PNISR: variants seen among roughly 807,000 people sequenced by gnomAD.
PNISR encodes PNN interacting serine and arginine rich protein, also known as arginine/serine-rich protein PNISR.
A neutral mutation model predicts 93.4 loss-of-function variants in PNISR; 20 were observed. The observed-to-expected ratio is 0.21, with a 90% CI of 0.15 to 0.31. The LOEUF is 0.31. PNISR is among the 10% of genes least tolerant of loss of function. The pLI is 1.00. For synonymous variants in PNISR, 305 were observed against 306.5 expected (o/e 0.99, Z 0.05); for missense variants, 893 against 985.4 (o/e 0.91, Z 1.25).
chr6:99,401,456 T>C lies in PNISR; in HGVS notation c.1502A>G (p.Glu501Gly), dbSNP rs1190604710. The C allele has an allele frequency of 3.7e-6, 6 of 1,610,072 alleles. No individual in the cohort carries two copies. Among genetic ancestry groups the C allele is most frequent in the Non-Finnish European group, 5.1e-6 (6 of 1,178,910 alleles). ...CCTACTCCTTCCTTGTTTTTCTTTT[T>C]CTTTATGCTCTTTTTTTGGTTCTAA... is the stretch of plus-strand genomic sequence containing the variant. ...SVLEPKKEHK[E>G]KEKQGRSRSG... The change falls in exon 12 of 12, where the codon GAA becomes GGA. Residue 501 changes from glutamate (E) to glycine (G), a missense_variant. Around this residue, in one of 3 missense-constraint regions of PNISR, gnomAD observed 866 missense variants for 935.1 expected, o/e 0.93. Transcript: ENST00000369239.
rs1346304500 is a variant in PNISR at position 99,408,157 on chromosome 6, A to G, written c.788T>C (p.Leu263Ser). The change falls in exon 7 of 12, where the codon TTG becomes TCG. Residue 263 changes from leucine (L) to serine (S), a missense_variant. This residue lies in a region of PNISR where 866 missense variants were observed against 935.1 expected (regional missense o/e 0.93). Transcript: ENST00000369239. Reference protein sequence around the residue: ...KERMEQQRSQLSKKEKKATED... With the variant: ...KERMEQQRSQSSKKEKKATED... Reference sequence around the variant, plus strand: ...TGTGGCCTTTTTTTCTTTTTTGGACAATTGTGAACGTTGTTGTTCCATTCT... The same window carrying G: ...TGTGGCCTTTTTTTCTTTTTTGGACGATTGTGAACGTTGTTGTTCCATTCT... The G allele has an allele frequency of 6.2e-7, 1 of 1,612,852 alleles. No homozygotes were observed. Among genetic ancestry groups the G allele is most frequent in the Non-Finnish European group, 8.5e-7 (1 of 1,179,628 alleles).
chr6:99,408,825 T>C (rs1270403543), intron 6 of PNISR, among the ~76,000 whole-genome samples: 1 of 151,774 alleles, frequency 6.6e-6, no homozygotes, highest in Non-Finnish European at 1.5e-5. Context: ...GAACTAAGAG[T>C]GGACAGAGAT....
Position 99,400,395 on chromosome 6 carries a change from T to C in PNISR, c.*145A>G, listed in dbSNP as rs1775304611. On this transcript the variant is annotated 3_prime_UTR_variant, in exon 12 of 12. Coordinates refer to ENST00000369239, the MANE Select transcript of PNISR (RefSeq NM_032870.4). ...CTGCAATTTTAAATAAATAATATTA[T>C]ATAGGATTTCTAACATTTAAGACTA... The C allele has an allele frequency of 4.2e-6, 5 of 1,198,086 alleles. No individual in the cohort carries two copies. The Admixed American group carries it at 1.4e-4, about 34-fold the overall frequency. 74.2% of individuals were successfully genotyped at this position (1,198,086 alleles called of 1,614,324 possible).
Position 99,406,093 on chromosome 6 carries a change from G to C in PNISR, c.940C>G (p.Pro314Ala). ...SSGKVTRSPS[P>A]VPQEEHSDPE... The stretch of plus-strand genomic sequence containing the variant: ...TCACTGTGCTCTTCTTGAGGAACTG[G>C]GGATGGACTTCTGGTGACTTTCCCA... The change falls in exon 8 of 12, where the codon CCA becomes GCA. Residue 314 changes from proline to alanine, a missense_variant. Pro to Ala is a conservative substitution (Grantham distance 27, BLOSUM62 -1). Coordinates refer to ENST00000369239, the MANE Select transcript of PNISR (RefSeq NM_032870.4). 6.2e-7 allele frequency: 1 copy of C among 1,610,170 alleles called. No homozygotes were observed. Among genetic ancestry groups the C allele is most frequent in the South Asian group, 1.1e-5 (1 of 90,984 alleles).
At chr6:99,405,424 G>GC (rs1334102800) in intron 8 of PNISR, among the ~76,000 whole-genome samples, 3 of 152,040 alleles carry the variant, frequency 2.0e-5, no homozygotes, top group Admixed American at 6.6e-5. Flanking sequence ...CCAAGATCCT[G>GC]CCATTGCACT....
chr6:99,406,215 A>C (rs760492203), intron 7 of PNISR, 47 bp from the exon 8 acceptor site: 1 of 1,313,366 alleles, frequency 7.6e-7, no homozygotes, highest in South Asian at 1.4e-5. Flanking sequence ...TGTATAATGT[A>C]AAATCCTTAT....
At chr6:99,405,283 G>T (rs146742290) in intron 8 of PNISR, among the ~76,000 whole-genome samples, 1,897 of 151,952 alleles carry the variant, frequency 0.012, 45 homozygotes, top group African/African-American at 0.043. Context: ...TGAACAACAT[G>T]GCGAAACCTT....
At position 99,399,086 on chromosome 6, in the gene PNISR, C is replaced by G. The variant is rs1030221594; in HGVS notation, c.*1454G>C. On this transcript the variant is annotated 3_prime_UTR_variant, in exon 12 of 12. Transcript: ENST00000369239. Reference sequence around the variant, plus strand: ...ATCTTCATGTTGAGGAAACACTGATCTTGGCAAAAATCTGGCATGATTTTT... The same window carrying G: ...ATCTTCATGTTGAGGAAACACTGATGTTGGCAAAAATCTGGCATGATTTTT... 6.6e-6 allele frequency: 1 copy of G among 152,056 alleles called. No homozygotes were observed. The allele number at this position is 152,056 out of a possible 1,614,324, so 9.4% of individuals were successfully genotyped here.
chr6:99,409,070 C>A (rs1776510143), intron 6 of PNISR, 103 bp downstream of exon 6: 2 of 875,554 alleles, frequency 2.3e-6, no homozygotes, highest in African/African-American at 1.7e-5. Flanking sequence ...CAATTCCTAA[C>A]ACATCAGAGA....
At position 99,402,633 on chromosome 6, in the gene PNISR, C is replaced by A; in HGVS notation, c.1234G>T (p.Asp412Tyr). ...DRGSESSDTDDEELRHRIRQK... is the reference protein window; with the variant it reads ...DRGSESSDTDYEELRHRIRQK... ...CGGATTCGATGCCGTAATTCTTCAT[C>A]ATCAGTGTCAGATGACTCAGATCCT... The change falls in exon 11 of 12, where the codon GAT becomes TAT. Residue 412 changes from aspartate (D) to tyrosine (Y), a missense_variant. Asp to Tyr is a radical substitution (Grantham distance 160, BLOSUM62 -3). Coordinates refer to ENST00000369239, the MANE Select transcript of PNISR (RefSeq NM_032870.4). 6.2e-7 allele frequency: 1 copy of A among 1,613,636 alleles called. No individual in the cohort carries two copies. Among genetic ancestry groups the A allele is most frequent in the Non-Finnish European group, 8.5e-7 (1 of 1,179,676 alleles).
intron 6 of PNISR, among the ~76,000 whole-genome samples, chr6:99,408,578 G>A (rs929476218): frequency 2.6e-5 from 4 of 152,242 alleles, no homozygotes; most frequent in Admixed American, 6.5e-5. Context: ...GTTAAAAAAG[G>A]AGTAAAGTTA....
intron 1 of PNISR, chr6:99,424,982 GAGA>G (rs2128503325): frequency 2.8e-6 from 1 of 361,712 alleles, no homozygotes; most frequent in South Asian, 1.5e-4. Context: ...GAAACTCTGT[GAGA>G]AGATGGGACC....
At chr6:99,401,759 G>A in intron 11 of PNISR, 129 bp from the exon 12 acceptor site, 1 of 650,178 alleles carries the variant, frequency 1.5e-6, no homozygotes, top group South Asian at 5.6e-5. Flanking sequence ...AGCCATGTAA[G>A]TAATTCAAAA....
chr6:99,410,795 A>T lies in PNISR; in HGVS notation c.447T>A (p.Phe149Leu). ...RHIFNQNNHN[F>L]GGPPDNFAVG... Reference sequence around the variant, plus strand: ...CTGCAAAATTATCGGGTGGTCCACCAAAGTTGTGATTGTTCTGGTTAAATA... The same window carrying T: ...CTGCAAAATTATCGGGTGGTCCACCTAAGTTGTGATTGTTCTGGTTAAATA... Residue 149 changes from phenylalanine (F) to leucine (L), a missense_variant, in exon 5 of 12, where the codon TTT becomes TTA. Physicochemically the swap from Phe to Leu is conservative, Grantham distance 22. Around this residue, in one of 3 missense-constraint regions of PNISR, gnomAD observed 866 missense variants for 935.1 expected, o/e 0.93. Transcript: ENST00000369239. The T allele has an allele frequency of 6.2e-7, 1 of 1,614,112 alleles. No individual in the cohort carries two copies. The highest frequency in any genetic ancestry group is 8.5e-7 in the Non-Finnish European group (1 of 1,179,994).
At position 99,401,110 on chromosome 6, in the gene PNISR, T is replaced by A. The variant is rs1169383452; in HGVS notation, c.1848A>T (p.Arg616Ser). 7 of 1,613,914 alleles carry A rather than the reference T, an allele frequency of 4.3e-6. No homozygotes were observed. The highest frequency in any genetic ancestry group is 5.9e-6 in the Non-Finnish European group (7 of 1,180,014). Residue 616 changes from arginine (R) to serine (S), a missense_variant, in exon 12 of 12, where the codon AGA becomes AGT. Around this residue, in one of 3 missense-constraint regions of PNISR, gnomAD observed 866 missense variants for 935.1 expected, o/e 0.93. Transcript: ENST00000369239. Reference sequence around the variant, plus strand: ...CCCTTGAGCGACTTCTACTTCTACGTCTCTCTCGGGAAGGACTCCGATTTC... The same window carrying A: ...CCCTTGAGCGACTTCTACTTCTACGACTCTCTCGGGAAGGACTCCGATTTC... ...RRRNRSPSRE[R>S]RRSRSRSRDR...
Position 99,401,060 on chromosome 6 carries a change from C to T in PNISR, c.1898G>A (p.Arg633His), listed in dbSNP as rs1465810940. ...TTTACGCCTATCTCGACTCCTACTG[C>T]GACTGGCACGATTGGTTCGTCTATC... is the stretch of plus-strand genomic sequence containing the variant. ...SRDRRTNRAS[R>H]SRSRDRRKID... The change falls in exon 12 of 12, where the codon CGC (arginine) becomes CAC (histidine). Residue 633 changes from arginine (R) to histidine (H), a missense_variant. By Grantham distance (29) the Arg-to-His change is conservative. Transcript: ENST00000369239. 3 of 1,613,578 alleles carry T rather than the reference C, an allele frequency of 1.9e-6. No homozygotes were observed. Among genetic ancestry groups the T allele is most frequent in the East Asian group, 2.2e-5 (1 of 44,864 alleles).
At chr6:99,403,705 C>A (rs1486179721) in intron 10 of PNISR, 124 bp downstream of exon 10, 8 of 613,418 alleles carry the variant, frequency 1.3e-5, no homozygotes, top group Non-Finnish European at 2.2e-5. Flanking sequence ...GATGACATAA[C>A]CCTAAGACCT....
chr6:99,423,729 G>A (rs1343950208), intron 1 of PNISR, among the ~76,000 whole-genome samples: 1 of 152,132 alleles, frequency 6.6e-6, no homozygotes, highest in Non-Finnish European at 1.5e-5. Flanking sequence ...AAAATGTCAA[G>A]GTCACTGTAT....
intron 6 of PNISR, among the ~76,000 whole-genome samples, chr6:99,408,682 G>A (rs1423656344): frequency 1.3e-5 from 2 of 152,162 alleles, no homozygotes; most frequent in Non-Finnish European, 1.5e-5. Context: ...ATATAAAGTG[G>A]CATAAATATG....
Sources: allele counts gnomAD v4.1 joint callset (sites outside exome capture counted in the v4.1 genomes callset), GRCh38; gene constraint gnomAD v4.1.1; regional missense constraint gnomAD v4.1.1; transcripts MANE v1.5; gene names NCBI Gene and HGNC (gene_info 2026-07-23, HGNC 2026-07-21).